Variants in CTNND2 observed in about 807,000 individuals in gnomAD.
CTNND2 encodes the protein catenin delta 2.
A neutral mutation model predicts 144.4 loss-of-function variants in CTNND2; 22 were observed. The observed-to-expected ratio is 0.15, with a 90% CI of 0.11 to 0.22. The LOEUF is 0.22. Ranked by LOEUF, CTNND2 falls within the 10% of genes least tolerant of loss-of-function variation. The pLI, the probability that CTNND2 is intolerant of heterozygous loss-of-function variation, is 1.00. For synonymous variants in CTNND2, 751 were observed against 695.6 expected, an observed-to-expected ratio of 1.08 and a Z score of -1.25; for missense variants, 1,353 against 1,618.8, an observed-to-expected ratio of 0.84 and a Z score of 2.82.
chr5:11,825,544 G>A (rs1182677118), intron 1 of CTNND2, among the ~76,000 whole-genome samples: 13 of 152,206 alleles, frequency 8.5e-5, no homozygotes, highest in Non-Finnish European at 1.5e-4. Context: ...AATAATTCCT[G>A]AGAATTTCCA....
intron 1 of CTNND2, among the ~76,000 whole-genome samples, chr5:11,827,868 T>C (rs752358337): frequency 1.5e-4 from 23 of 152,228 alleles, no homozygotes; most frequent in Non-Finnish European, 2.5e-4. Flanking sequence ...ACCAATTGTA[T>C]ATAAGATTTT....
chr5:11,320,516 C>A (rs1263365378), intron 9 of CTNND2, among the ~76,000 whole-genome samples: 1 of 152,028 alleles, frequency 6.6e-6, no homozygotes, highest in Non-Finnish European at 1.5e-5. Context: ...AAAGACATAC[C>A]CGAGACTAGG....
intron 3 of CTNND2, among the ~76,000 whole-genome samples, chr5:11,543,409 A>G (rs944466800): frequency 6.6e-6 from 1 of 152,242 alleles, no homozygotes; most frequent in Non-Finnish European, 1.5e-5. Flanking sequence ...GATAAAAAGC[A>G]GTCTGATGTA....
At position 11,070,996 on chromosome 5, in the gene CTNND2, G is replaced by GA. The variant is rs1748208457; in HGVS notation, c.2788+11699dup. Among the ~76,000 whole-genome samples the GA allele has an allele frequency of 3.3e-5, 5 of 151,738 alleles. No individual in the cohort carries two copies. The South Asian group carries it at 1.0e-3, about 32-fold the overall frequency. On this transcript the variant is annotated intron_variant, in intron 16 of 21. Transcript: ENST00000304623. The stretch of plus-strand genomic sequence containing the variant: ...GAGGGAGGAGGAAGGGAGGAGAGGA[G>GA]AGGGGGAGAGGACAAAAAGGCCCAG...
chr5:11,007,163 G>A (rs920442367), intron 18 of CTNND2, among the ~76,000 whole-genome samples: 16 of 152,140 alleles, frequency 1.1e-4, no homozygotes, highest in South Asian at 2.1e-4. Flanking sequence ...TTGAAGGTAC[G>A]AATGAATGTA....
chr5:11,371,319 T>C (rs1757459966), intron 7 of CTNND2, among the ~76,000 whole-genome samples: 1 of 152,240 alleles, frequency 6.6e-6, no homozygotes, highest in Non-Finnish European at 1.5e-5. Context: ...CACTTTGAGA[T>C]ATACAAAAAC....
chr5:11,286,821 C>T (rs1747807643), intron 9 of CTNND2, among the ~76,000 whole-genome samples: 1 of 152,178 alleles, frequency 6.6e-6, no homozygotes, highest in African/African-American at 2.4e-5. Context: ...TCTGGTTTAG[C>T]AACGTTCATG....
At chr5:11,311,515 AT>A (rs1750856993) in intron 9 of CTNND2, among the ~76,000 whole-genome samples, 1 of 135,080 alleles carries the variant, frequency 7.4e-6, no homozygotes, top group African/African-American at 2.8e-5. Flanking sequence ...ATGCACCCTC[AT>A]CCCACACATA....
intron 1 of CTNND2, among the ~76,000 whole-genome samples, chr5:11,733,614 TAAG>T (rs1328426746): frequency 6.6e-6 from 1 of 152,170 alleles, no homozygotes; most frequent in Non-Finnish European, 1.5e-5. Context: ...TGAATTAACA[TAAG>T]AAGCTTAGTT....
At chr5:11,891,714 T>C (rs1159043080) in intron 1 of CTNND2, among the ~76,000 whole-genome samples, 1 of 152,146 alleles carries the variant, frequency 6.6e-6, no homozygotes, top group Non-Finnish European at 1.5e-5. Context: ...GCATCTTCAT[T>C]TTAGACATTC....
chr5:11,053,217 C>CT (rs1345325646), intron 16 of CTNND2, among the ~76,000 whole-genome samples: 1 of 152,190 alleles, frequency 6.6e-6, no homozygotes, highest in Non-Finnish European at 1.5e-5. Flanking sequence ...TTTTTCACCA[C>CT]AGGCTTTGAT....
intron 3 of CTNND2, among the ~76,000 whole-genome samples, chr5:11,419,026 CTATA>C (rs1265992031): frequency 8.0e-6 from 1 of 125,128 alleles, no homozygotes; most frequent in African/African-American, 2.9e-5. Flanking sequence ...AGATGTCTAT[CTATA>C]TATAGATATA....
At chr5:11,102,077 T>C (rs1262426549) in intron 14 of CTNND2, among the ~76,000 whole-genome samples, 1 of 152,148 alleles carries the variant, frequency 6.6e-6, no homozygotes, top group Non-Finnish European at 1.5e-5. Context: ...TCAATGAAAA[T>C]ATCCCTTCCT....
At chr5:11,851,491 G>C (rs543666453) in intron 1 of CTNND2, among the ~76,000 whole-genome samples, 2 of 152,316 alleles carry the variant, frequency 1.3e-5, no homozygotes, top group African/African-American at 2.4e-5. Context: ...TCTGTGGCCT[G>C]AGGGGAACTG....
chr5:11,743,893 T>G (rs1477228907), intron 1 of CTNND2, among the ~76,000 whole-genome samples: 2 of 152,164 alleles, frequency 1.3e-5, no homozygotes, highest in Non-Finnish European at 2.9e-5. Flanking sequence ...CATGAGCTAT[T>G]CATCATTGAG....
At chr5:11,694,423 C>T (rs1287691428) in intron 2 of CTNND2, among the ~76,000 whole-genome samples, 2 of 147,328 alleles carry the variant, frequency 1.4e-5, no homozygotes, top group Non-Finnish European at 3.0e-5. Flanking sequence ...GTGACAGAGT[C>T]TCTCAAAAAA....
chr5:11,157,895 A>G (rs1228926386), intron 12 of CTNND2, among the ~76,000 whole-genome samples: 6 of 152,182 alleles, frequency 3.9e-5, no homozygotes, highest in African/African-American at 1.4e-4. Flanking sequence ...GGTCTCACCA[A>G]ACTGTGCTCC....
At chr5:11,491,924 A>T (rs1197746135) in intron 3 of CTNND2, among the ~76,000 whole-genome samples, 3 of 152,198 alleles carry the variant, frequency 2.0e-5, no homozygotes, top group Admixed American at 6.5e-5. Context: ...TGCTGTCACC[A>T]AAACACTGCT....
At chr5:11,405,281 G>A (rs1314176138) in intron 5 of CTNND2, among the ~76,000 whole-genome samples, 2 of 152,170 alleles carry the variant, frequency 1.3e-5, no homozygotes, top group Non-Finnish European at 2.9e-5. Context: ...TTAAGTGTGT[G>A]GTTAAAGAGC....
Sources: allele counts gnomAD v4.1 joint callset (sites outside exome capture counted in the v4.1 genomes callset), GRCh38; gene constraint gnomAD v4.1.1; transcripts MANE v1.5; gene names NCBI Gene and HGNC (gene_info 2026-07-23, HGNC 2026-07-21).